Variants in ELAPOR1 observed in about 807,000 individuals in gnomAD.
ELAPOR1 encodes the protein endosome/lysosome-associated apoptosis and autophagy regulator 1.
In ELAPOR1, 77 loss-of-function variants were observed where a neutral mutation model predicts 119.7. That is an observed-to-expected ratio of 0.64 (90% CI 0.54 to 0.78). The LOEUF (loss-of-function observed/expected upper bound fraction) is 0.78, where lower values mean the gene tolerates loss of function less well. ELAPOR1 is among the 30% of genes least tolerant of loss of function. The pLI is 0.00. For missense variants in ELAPOR1, 1,115 were observed against 1,270.4 expected (o/e 0.88, Z 1.86); for synonymous variants, 481 against 487.2 (o/e 0.99, Z 0.17).
At chr1:109,117,678 C>A (rs149789794) in intron 1 of ELAPOR1, among the ~76,000 whole-genome samples, 26 of 152,248 alleles carry the variant, frequency 1.7e-4, no homozygotes, top group East Asian at 5.8e-4. Flanking sequence ...TGTGAAGTGC[C>A]TAGTACATAC....
intron 7 of ELAPOR1, among the ~76,000 whole-genome samples, chr1:109,177,165 C>G (rs1652353282): frequency 6.6e-6 from 1 of 150,420 alleles, no homozygotes; most frequent in Admixed American, 6.6e-5. Context: ...GGGCTCCTCA[C>G]TTCCCAGTAG....
rs553392529 is a variant in ELAPOR1, at chr1:109,186,989, A to G, written c.1042-1188A>G. 54 of 985,580 alleles carry G rather than the reference A, an allele frequency of 5.5e-5. No homozygotes were observed. The Middle Eastern group carries it at 2.6e-3, about 48-fold the overall frequency. The allele number at this position is 985,580 out of a possible 1,614,324, so 61.1% of individuals were successfully genotyped here. ...GAAGCGTGTGCTTTCAGGAGTGCGC[A>G]TGAACATGCATTCCCCAGCTGTTCC... On this transcript the variant is annotated intron_variant, in intron 8 of 21. Coordinates refer to ENST00000369939, the MANE Select transcript of ELAPOR1 (RefSeq NM_020775.5).
chr1:109,194,327 C>T (rs1015936518), intron 14 of ELAPOR1, 94 bp from the exon 15 acceptor site: 26 of 1,123,736 alleles, frequency 2.3e-5, no homozygotes, highest in African/African-American at 1.5e-4. Flanking sequence ...CCCATTTGGG[C>T]GGGACCAGAC....
chr1:109,199,576 T>C (rs796160893), intron 18 of ELAPOR1, among the ~76,000 whole-genome samples: 1 of 152,320 alleles, frequency 6.6e-6, no homozygotes, highest in African/African-American at 2.4e-5. Flanking sequence ...GAGACAGCCA[T>C]GCTGGAGCTC....
intron 7 of ELAPOR1, among the ~76,000 whole-genome samples, chr1:109,175,951 A>G (rs762295723): frequency 4.1e-4 from 63 of 152,150 alleles, no homozygotes; most frequent in Admixed American, 1.1e-3. Context: ...ATGAGCCTAT[A>G]TTGATGAACA....
At chr1:109,170,654 C>T (rs1651864190) in intron 3 of ELAPOR1, among the ~76,000 whole-genome samples, 1 of 152,272 alleles carries the variant, frequency 6.6e-6, no homozygotes, top group African/African-American at 2.4e-5. Context: ...AATTTGTACC[C>T]TATCCTAAGG....
chr1:109,202,807 C>T, intron 21 of ELAPOR1, 137 bp from the exon 22 acceptor site: 1 of 828,802 alleles, frequency 1.2e-6, no homozygotes, highest in Non-Finnish European at 2.1e-6. Flanking sequence ...GAGGGTATCT[C>T]ATTTCTGTGT....
chr1:109,133,546 C>G (rs1170270627), intron 1 of ELAPOR1, among the ~76,000 whole-genome samples: 1 of 152,156 alleles, frequency 6.6e-6, no homozygotes, highest in African/African-American at 2.4e-5. Flanking sequence ...GTTACTGAGA[C>G]TGTAGTATCT....
At chr1:109,196,941 G>A (rs1466517113) in intron 15 of ELAPOR1, among the ~76,000 whole-genome samples, 4 of 152,122 alleles carry the variant, frequency 2.6e-5, no homozygotes, top group East Asian at 3.9e-4. Flanking sequence ...TCGGCCTTCC[G>A]AAGTGCTGGG....
intron 1 of ELAPOR1, among the ~76,000 whole-genome samples, chr1:109,160,599 A>G (rs1489217937): frequency 6.6e-6 from 1 of 152,226 alleles, no homozygotes; most frequent in Admixed American, 6.5e-5. Context: ...TAGATTAGCA[A>G]ACTTCAAAAC....
intron 1 of ELAPOR1, among the ~76,000 whole-genome samples, chr1:109,121,096 A>G (rs1453452215): frequency 3.9e-5 from 6 of 152,122 alleles, no homozygotes; most frequent in Non-Finnish European, 8.8e-5. Context: ...CAAAATTTTG[A>G]AATTTTTGGT....
chr1:109,151,872 CTTT>C (rs550341597), intron 1 of ELAPOR1, among the ~76,000 whole-genome samples: 191 of 121,102 alleles, frequency 1.6e-3, no homozygotes, highest in East Asian at 2.3e-3. Flanking sequence ...CAGCCTCATC[CTTT>C]TTTTTTTTTT....
Position 109,191,426 on chromosome 1 carries a change from C to G in ELAPOR1, c.1500C>G (p.Val500=), listed in dbSNP as rs777222034. The change falls in exon 12 of 22, where the codon GTC becomes GTG. Residue 500 remains valine (V), a synonymous_variant. Coordinates refer to ENST00000369939, the MANE Select transcript of ELAPOR1 (RefSeq NM_020775.5). ...AAGAGGTGGCCAGAATCACATTTGT[C>G]TTTGAGACCCTCTGTTCTGTGAACT... ...ENKEVARITF[V]FETLCSVNCE... is the part of the protein sequence containing the mutation. The G allele has an allele frequency of 3.1e-6, 5 of 1,614,202 alleles. No individual in the cohort carries two copies. In the South Asian group the frequency reaches 5.5e-5, roughly 18 times the overall value.
At chr1:109,193,141 G>T in intron 14 of ELAPOR1, among the ~76,000 whole-genome samples, 1 of 152,046 alleles carries the variant, frequency 6.6e-6, no homozygotes, top group East Asian at 1.9e-4. Context: ...TGGTCCAGAG[G>T]GTTATTTGGC....
intron 20 of ELAPOR1, 74 bp from the exon 21 acceptor site, chr1:109,200,661 C>T: frequency 6.9e-7 from 1 of 1,457,346 alleles, no homozygotes; most frequent in South Asian, 1.3e-5. Context: ...CTGTTCATAG[C>T]CTAACCTCTC....
At chr1:109,144,053 A>ATATTTTTTTTTT (rs1650004030) in intron 1 of ELAPOR1, among the ~76,000 whole-genome samples, 2 of 89,790 alleles carry the variant, frequency 2.2e-5, no homozygotes, top group African/African-American at 5.3e-5. Context: ...ATATATATAT[A>ATATTTTTTTTTT]TTTATATATT....
chr1:109,117,918 T>A (rs924822618), intron 1 of ELAPOR1, among the ~76,000 whole-genome samples: 5 of 151,960 alleles, frequency 3.3e-5, no homozygotes. Context: ...TCACCTGAGG[T>A]TGGGAGTTCA....
intron 4 of ELAPOR1, 105 bp downstream of exon 4, chr1:109,172,118 T>A: frequency 7.2e-7 from 1 of 1,395,180 alleles, no homozygotes; most frequent in Non-Finnish European, 1.0e-6. Context: ...GGGGAATCAC[T>A]GTTGTTTTCT....
At chr1:109,152,165 C>T (rs1051556802) in intron 1 of ELAPOR1, among the ~76,000 whole-genome samples, 3 of 152,156 alleles carry the variant, frequency 2.0e-5, no homozygotes, top group East Asian at 1.9e-4. Flanking sequence ...TGAGCCACTG[C>T]GCCCCGCTGC....
Sources: gnomAD v4.1 joint callset for allele counts (sites outside exome capture counted in the v4.1 genomes callset) on GRCh38, gnomAD v4.1.1 for gene constraint, MANE v1.5 for transcripts, NCBI Gene and HGNC (gene_info 2026-07-23, HGNC 2026-07-21) for gene names.